The following SLC7A9 variants were observed in gnomAD, a reference collection of about 807,000 sequenced individuals.
SLC7A9 encodes the protein solute carrier family 7 member 9.
A neutral mutation model predicts 54.1 loss-of-function variants in SLC7A9; 38 were observed. The ratio of observed to expected loss-of-function variants is 0.70; its 90% CI spans 0.54 to 0.92. SLC7A9 has a LOEUF of 0.92. Ranked by LOEUF, SLC7A9 falls within the 40% of genes least tolerant of loss-of-function variation. The pLI is 0.00. For missense variants in SLC7A9, 537 were observed against 636.1 expected (o/e 0.84, Z 1.68); for synonymous variants, 264 against 258.9 (o/e 1.02, Z -0.19).
rs1559225 is a variant in SLC7A9, at chr19:32,844,072, G to A, written c.978-121C>T. On this transcript the variant is annotated intron_variant, in intron 9 of 12. Coordinates refer to ENST00000023064, the MANE Select transcript of SLC7A9 (RefSeq NM_014270.5). ...TCGGGAGGCTCAGGAAGGGAGCTGA[G>A]CAGGGACCTGAGCTTCAGATGGGGG... 0.18 allele frequency: 134,688 copies of A among 741,134 alleles called. 15,505 individuals carry two copies. Among genetic ancestry groups the A allele is most frequent in the East Asian group, 0.55 (20,622 of 37,500 alleles). The allele number at this position is 741,134 out of a possible 1,614,324, so 45.9% of individuals were successfully genotyped here. A position where few individuals can be genotyped will look rare whatever the true frequency, so the allele number is the denominator to read the frequency against.
intron 12 of SLC7A9, among the ~76,000 whole-genome samples, chr19:32,831,704 C>T (rs564594753): frequency 1.3e-5 from 2 of 152,218 alleles, no homozygotes; most frequent in Non-Finnish European, 1.5e-5. Context: ...AACAACTGTC[C>T]TAAAACTGAT....
intron 9 of SLC7A9, among the ~76,000 whole-genome samples, chr19:32,850,848 A>T (rs978746119): frequency 2.6e-5 from 4 of 152,226 alleles, no homozygotes; most frequent in Non-Finnish European, 5.9e-5. Flanking sequence ...GGAACAGAAC[A>T]GAGCCCTCAG....
At chr19:32,866,057 G>A (rs1968961772) in intron 2 of SLC7A9, among the ~76,000 whole-genome samples, 5 of 151,800 alleles carry the variant, frequency 3.3e-5, no homozygotes, top group Admixed American at 2.0e-4. Flanking sequence ...CATAACACTC[G>A]TCCTCAGAAG....
intron 11 of SLC7A9, among the ~76,000 whole-genome samples, chr19:32,839,016 G>C (rs1366458761): frequency 6.6e-5 from 10 of 151,960 alleles, no homozygotes; most frequent in Admixed American, 6.6e-4. Context: ...CTTCCTCCCA[G>C]CATCTAATTT....
chr19:32,868,817 A>G (rs554196817), intron 1 of SLC7A9, among the ~76,000 whole-genome samples, 172 bp from the exon 2 acceptor site: 3 of 152,180 alleles, frequency 2.0e-5, no homozygotes, highest in Non-Finnish European at 2.9e-5. Context: ...TCTCCCAGAC[A>G]GGCCCCGGGA....
chr19:32,855,367 C>A (rs925075598), intron 9 of SLC7A9, among the ~76,000 whole-genome samples: 2 of 152,076 alleles, frequency 1.3e-5, no homozygotes, highest in Non-Finnish European at 2.9e-5. Context: ...AAATAACTTA[C>A]AAGCTTCCTG....
At chr19:32,831,180 C>T (rs55734981) in intron 12 of SLC7A9, 3,840 of 155,814 alleles carry the variant, frequency 0.025, 82 homozygotes, top group Middle Eastern at 0.073. Flanking sequence ...CAGTGAAACC[C>T]CGTCTCTACT....
Position 32,862,668 on chromosome 19 carries a change from ATTTTTTT to A in SLC7A9, c.479-89_479-83del, listed in dbSNP as rs1250960402. 67 of 1,000,888 alleles carry A rather than the reference ATTTTTTT, an allele frequency of 6.7e-5. 2 individuals are homozygous for A. Among genetic ancestry groups the A allele is most frequent in the South Asian group, 5.7e-4 (25 of 44,214 alleles). 62.0% of individuals were successfully genotyped at this position (1,000,888 alleles called of 1,614,324 possible). ...GTCTCCTTTCTTTTATATATTTTTTATTTTTTTTTTTTTTTGAGATGGAGTCTCACTC... is the reference window on the plus strand; with the variant it reads ...GTCTCCTTTCTTTTATATATTTTTTATTTTTTTTGAGATGGAGTCTCACTC... On this transcript the variant is annotated intron_variant, in intron 4 of 12. Transcript: ENST00000023064.
At chr19:32,833,777 A>G (rs545341866) in intron 11 of SLC7A9, among the ~76,000 whole-genome samples, 180 of 150,496 alleles carry the variant, frequency 1.2e-3, no homozygotes, top group Middle Eastern at 3.4e-3. Flanking sequence ...AGCCTGGGCC[A>G]CGGGAGGGAA....
rs375756026 is a variant in SLC7A9 at position 32,859,815 on chromosome 19, G to A, written c.873+26C>T. 1.2e-4 allele frequency: 185 copies of A among 1,588,598 alleles called. 1 individual carries two copies. Among genetic ancestry groups the A allele is most frequent in the Non-Finnish European group, 1.4e-4 (167 of 1,157,042 alleles). ...CCCCTTCCCACAAGCCACAGCCCCC[G>A]CCAGCAGCGATGCCCGGGCACTCAC... On this transcript the variant is annotated intron_variant, in intron 8 of 12. Transcript: ENST00000023064.
intron 9 of SLC7A9, among the ~76,000 whole-genome samples, chr19:32,856,462 G>A (rs1968630925): frequency 6.6e-6 from 1 of 152,160 alleles, no homozygotes. Flanking sequence ...CCAAAGTGCT[G>A]GGATTACAGG....
intron 5 of SLC7A9, 44 bp downstream of exon 5, chr19:32,862,417 C>A (rs764347252): frequency 6.2e-7 from 1 of 1,610,968 alleles, no homozygotes; most frequent in South Asian, 1.1e-5. Context: ...AGTGGAAGGG[C>A]GTTTGGTGTG....
rs767851520 is a variant in SLC7A9 at position 32,864,360 on chromosome 19, C to G, written c.236-22G>C. On this transcript the variant is annotated intron_variant, in intron 3 of 12. Coordinates refer to ENST00000023064, the MANE Select transcript of SLC7A9 (RefSeq NM_014270.5). ...GCACCTGGAACACAGAGAGGAAGGG[C>G]CCACAGGCCCCTTGTGAGGCACTGC... is the stretch of plus-strand genomic sequence containing the variant. 7.4e-6 allele frequency: 12 copies of G among 1,613,126 alleles called. No individual in the cohort carries two copies. The African/African-American group carries it at 1.3e-4, about 18-fold the overall frequency.
At chr19:32,832,712 G>A in intron 12 of SLC7A9, 1 of 200,990 alleles carries the variant, frequency 5.0e-6, no homozygotes, top group Non-Finnish European at 1.0e-5. Context: ...AGGAGTTCAA[G>A]ACCAGTCTGG....
At chr19:32,866,193 G>A (rs17206261) in intron 2 of SLC7A9, among the ~76,000 whole-genome samples, 14,861 of 152,126 alleles carry the variant, frequency 0.098, 917 homozygotes, top group Middle Eastern at 0.17. Flanking sequence ...GCCACCCTGA[G>A]GACTCTGCAC....
chr19:32,839,120 A>G, intron 11 of SLC7A9, among the ~76,000 whole-genome samples: 1 of 152,104 alleles, frequency 6.6e-6, no homozygotes, highest in East Asian at 1.9e-4. Flanking sequence ...TTTTTGTATG[A>G]TATTGCCAGT....
chr19:32,858,396 C>T lies in SLC7A9; in HGVS notation c.977+44G>A, dbSNP rs372404588. 4.2e-5 allele frequency: 58 copies of T among 1,391,396 alleles called. No individual in the cohort carries two copies. In the Admixed American group the frequency reaches 4.8e-4, roughly 11 times the overall value. 86.2% of individuals were successfully genotyped at this position (1,391,396 alleles called of 1,614,324 possible). A position where few individuals can be genotyped will look rare whatever the true frequency, so the allele number is the denominator to read the frequency against. On this transcript the variant is annotated intron_variant, in intron 9 of 12. Transcript: ENST00000023064. The stretch of plus-strand genomic sequence containing the variant: ...TCTTCCTCGGGGGTGATATTGCTTT[C>T]GCCGCCCCTGTCCACCCTGGGAGTG...
chr19:32,833,763 C>T (rs1004981662), intron 11 of SLC7A9, among the ~76,000 whole-genome samples: 1 of 151,562 alleles, frequency 6.6e-6, no homozygotes, highest in African/African-American at 2.4e-5. Context: ...CACCATTGCA[C>T]TCTAGCCTGG....
At chr19:32,867,920 ACT>A (rs1380221375) in intron 2 of SLC7A9, among the ~76,000 whole-genome samples, 11 of 124,298 alleles carry the variant, frequency 8.8e-5, no homozygotes, top group African/African-American at 1.6e-4. Flanking sequence ...ACAGAGCAAG[ACT>A]CTGTCTCAAA....
Sources: gnomAD v4.1 joint callset for allele counts (sites outside exome capture counted in the v4.1 genomes callset) on GRCh38, gnomAD v4.1.1 for gene constraint, MANE v1.5 for transcripts, NCBI Gene and HGNC (gene_info 2026-07-23, HGNC 2026-07-21) for gene names.